Variants in EPHA6 observed in about 807,000 individuals in gnomAD.
The protein encoded by EPHA6 is ephrin type-A receptor 6.
EPHA6 carries 50 observed loss-of-function variants against 112.0 expected under a neutral mutation model. The ratio of observed to expected loss-of-function variants is 0.45; its 90% CI spans 0.36 to 0.56. EPHA6 has a LOEUF of 0.56. Ranked by LOEUF, EPHA6 falls within the 20% of genes least tolerant of loss-of-function variation. The pLI is 0.00. For synonymous variants in EPHA6, 529 were observed against 490.7 expected (o/e 1.08, Z -1.03); for missense variants, 1,280 against 1,417.4 (o/e 0.90, Z 1.56).
chr3:97,134,150 G>A (rs1027672533), intron 3 of EPHA6, among the ~76,000 whole-genome samples: 13 of 151,910 alleles, frequency 8.6e-5, no homozygotes, highest in Middle Eastern at 3.2e-3. Context: ...TTTCATATGC[G>A]TTTTATTTAG....
At chr3:97,696,942 C>T (rs1382366782) in intron 14 of EPHA6, among the ~76,000 whole-genome samples, 1 of 152,114 alleles carries the variant, frequency 6.6e-6, no homozygotes, top group African/African-American at 2.4e-5. Context: ...TTAGTATTAG[C>T]ACTCAATACT....
chr3:97,716,540 AGTCCG>A, intron 14 of EPHA6, among the ~76,000 whole-genome samples: 1 of 118,906 alleles, frequency 8.4e-6, no homozygotes, highest in Non-Finnish European at 1.5e-5. Context: ...TGCAGTCCGC[AGTCCG>A]GCCCGGGCGA....
intron 1 of EPHA6, among the ~76,000 whole-genome samples, chr3:96,830,149 T>A (rs2033966897): frequency 1.3e-5 from 2 of 152,148 alleles, no homozygotes; most frequent in Non-Finnish European, 2.9e-5. Context: ...TCAGGTCATA[T>A]TACATTAAGT....
chr3:97,518,743 G>A (rs1438017003), intron 10 of EPHA6, among the ~76,000 whole-genome samples: 1 of 152,042 alleles, frequency 6.6e-6, no homozygotes, highest in African/African-American at 2.4e-5. Flanking sequence ...GTGACATTGA[G>A]CAATTTTTCT....
At chr3:97,720,733 T>C (rs1352589059) in intron 15 of EPHA6, among the ~76,000 whole-genome samples, 1 of 152,348 alleles carries the variant, frequency 6.6e-6, no homozygotes, top group South Asian at 2.1e-4. Context: ...TAATGTTTAC[T>C]TTTCGTTTCT....
chr3:97,120,882 T>C (rs1237746179), intron 3 of EPHA6, among the ~76,000 whole-genome samples: 1 of 151,904 alleles, frequency 6.6e-6, no homozygotes, highest in Non-Finnish European at 1.5e-5. Context: ...TGTTATAGTG[T>C]AAGTAAAAAT....
At chr3:97,649,746 AAAC>A (rs1156928062) in intron 14 of EPHA6, among the ~76,000 whole-genome samples, 1 of 147,936 alleles carries the variant, frequency 6.8e-6, no homozygotes, top group African/African-American at 2.6e-5. Context: ...ACTTGGGAAA[AAAC>A]AACAAAATCA....
At chr3:97,226,161 C>A in intron 3 of EPHA6, 103 bp from the exon 4 acceptor site, 1 of 894,002 alleles carries the variant, frequency 1.1e-6, no homozygotes, top group Non-Finnish European at 1.6e-6. Flanking sequence ...TAACACTGTA[C>A]TCTGAGATCC....
In EPHA6 at chr3:97,525,147, G is replaced by T. The variant is rs1037703955; in HGVS notation, c.2201-7211G>T. 3.3e-5 allele frequency among the ~76,000 whole-genome samples: 5 copies of T among 151,826 alleles called. No individual in the cohort carries two copies. In the East Asian group the frequency reaches 9.7e-4, roughly 29 times the overall value. On this transcript the variant is annotated intron_variant, in intron 10 of 17. Transcript: ENST00000389672. Reference sequence around the variant, plus strand: ...AAATTTTATATTTGTACATTTGATGGTGTCCCATATATCCCTACACTTTCT... The same window carrying T: ...AAATTTTATATTTGTACATTTGATGTTGTCCCATATATCCCTACACTTTCT...
At chr3:97,489,349 A>G (rs556969748) in intron 10 of EPHA6, among the ~76,000 whole-genome samples, 7 of 152,222 alleles carry the variant, frequency 4.6e-5, no homozygotes, top group Admixed American at 1.3e-4. Flanking sequence ...TTGTTACTAC[A>G]TTGAGTTATA....
At chr3:97,060,923 C>CAAA (rs71623565) in intron 3 of EPHA6, among the ~76,000 whole-genome samples, 359 of 21,230 alleles carry the variant, frequency 0.017, 93 homozygotes, top group African/African-American at 0.032. Flanking sequence ...GACTCCGTCT[C>CAAA]AAAAAAAAAA....
intron 10 of EPHA6, among the ~76,000 whole-genome samples, chr3:97,495,036 C>T (rs1026313822): frequency 1.3e-5 from 2 of 152,114 alleles, no homozygotes; most frequent in East Asian, 1.9e-4. Context: ...AGGGATAGCA[C>T]GTTTCCTGCT....
At chr3:96,961,543 G>A (rs1235423316) in intron 2 of EPHA6, among the ~76,000 whole-genome samples, 1 of 152,048 alleles carries the variant, frequency 6.6e-6, no homozygotes, top group Non-Finnish European at 1.5e-5. Context: ...TAAATTGATG[G>A]CACTTAACAA....
At chr3:97,091,462 CTGTT>C (rs2047062898) in intron 3 of EPHA6, among the ~76,000 whole-genome samples, 1 of 152,072 alleles carries the variant, frequency 6.6e-6, no homozygotes, top group Non-Finnish European at 1.5e-5. Flanking sequence ...AGTGGAAAAA[CTGTT>C]TATGTAAAGC....
intron 14 of EPHA6, among the ~76,000 whole-genome samples, chr3:97,681,933 A>G (rs1576277678): frequency 6.6e-6 from 1 of 152,180 alleles, no homozygotes; most frequent in East Asian, 1.9e-4. Flanking sequence ...TATATTACAT[A>G]TGTAATTTTA....
intron 7 of EPHA6, among the ~76,000 whole-genome samples, chr3:97,449,322 A>G (rs1033168847): frequency 6.6e-6 from 1 of 151,694 alleles, no homozygotes; most frequent in Non-Finnish European, 1.5e-5. Flanking sequence ...TTACCAATGA[A>G]CTCTTTTTGG....
chr3:97,084,067 A>AGTGTGTGTGTGTGT lies in EPHA6; in HGVS notation c.1114+96090_1114+96103dup, dbSNP rs145113129. Among the ~76,000 whole-genome samples, 281 of 109,724 alleles carry AGTGTGTGTGTGTGT rather than the reference A, an allele frequency of 2.6e-3. 6 individuals carry two copies. The highest frequency in any genetic ancestry group is 9.0e-3 in the African/African-American group (263 of 29,326). The allele number at this position is 109,724 out of a possible 152,430, so 72.0% of individuals were successfully genotyped here. ...TAGGGGTGGTACATTTATTTCTTAA[A>AGTGTGTGTGTGTGT]GTGTGTGTGTGTGTGTGTGTGTGTG... On this transcript the variant is annotated intron_variant, in intron 3 of 17. Transcript: ENST00000389672.
At chr3:97,602,854 A>G (rs1244758231) in intron 12 of EPHA6, among the ~76,000 whole-genome samples, 1 of 152,016 alleles carries the variant, frequency 6.6e-6, no homozygotes, top group Non-Finnish European at 1.5e-5. Flanking sequence ...TTGACATGTA[A>G]TTTAATTTAG....
At chr3:97,641,108 T>C (rs2093999767) in intron 14 of EPHA6, among the ~76,000 whole-genome samples, 2 of 152,202 alleles carry the variant, frequency 1.3e-5, no homozygotes. Context: ...AGAGAATCCC[T>C]ATTAGAGATG....
Sources: allele counts gnomAD v4.1 joint callset (sites outside exome capture counted in the v4.1 genomes callset), GRCh38; gene constraint gnomAD v4.1.1; transcripts MANE v1.5; gene names NCBI Gene and HGNC (gene_info 2026-07-23, HGNC 2026-07-21).